FRMD5: variants seen among roughly 807,000 people sequenced by gnomAD.
FRMD5 encodes the protein FERM domain-containing protein 5.
In FRMD5, 20 loss-of-function variants were observed where a neutral mutation model predicts 69.0. That is an observed-to-expected ratio of 0.29 (90% CI 0.20 to 0.42). FRMD5 has a LOEUF of 0.42. FRMD5 is among the 10% of genes least tolerant of loss of function. FRMD5 has a pLI of 1.00. For synonymous variants in FRMD5, 271 were observed against 260.1 expected, an observed-to-expected ratio of 1.04 and a Z score of -0.40; for missense variants, 595 against 708.6, an observed-to-expected ratio of 0.84 and a Z score of 1.82.
chr15:43,870,925 A>C lies in FRMD5; in HGVS notation c.*2960T>G, dbSNP rs1259109780. Reference sequence around the variant, plus strand: ...AAGGTTAACAACTATATATTTTTAAATGTATCTAAGAAATTCACATTTGCA... The same window carrying C: ...AAGGTTAACAACTATATATTTTTAACTGTATCTAAGAAATTCACATTTGCA... On this transcript the variant is annotated 3_prime_UTR_variant, in exon 14 of 14. Coordinates refer to ENST00000417257, the MANE Select transcript of FRMD5 (RefSeq NM_032892.5). 1 of 152,242 alleles carries C rather than the reference A, an allele frequency of 6.6e-6. No individual in the cohort carries two copies. Among genetic ancestry groups the C allele is most frequent in the Non-Finnish European group, 1.5e-5 (1 of 68,034 alleles). The allele number at this position is 152,242 out of a possible 1,614,324, so 9.4% of individuals were successfully genotyped here. A position where few individuals can be genotyped will look rare whatever the true frequency, so the allele number is the denominator to read the frequency against.
At chr15:44,170,509 T>C (rs1041030732) in intron 1 of FRMD5, among the ~76,000 whole-genome samples, 2 of 150,872 alleles carry the variant, frequency 1.3e-5, no homozygotes, top group Non-Finnish European at 2.9e-5. Flanking sequence ...GGCAACAGAG[T>C]GAGACTTCAT....
At chr15:43,874,825 G>C (rs1316604514) in intron 13 of FRMD5, among the ~76,000 whole-genome samples, 1 of 152,144 alleles carries the variant, frequency 6.6e-6, no homozygotes, top group South Asian at 2.1e-4. Flanking sequence ...GCTTGAACCC[G>C]GGAGGCGGAG....
chr15:44,064,790 G>A (rs910419525), intron 1 of FRMD5, among the ~76,000 whole-genome samples: 1 of 152,144 alleles, frequency 6.6e-6, no homozygotes, highest in African/African-American at 2.4e-5. Flanking sequence ...TTAAGTCCCA[G>A]AATTTAAAGA....
At chr15:44,022,765 A>AGAG (rs1891266739) in intron 1 of FRMD5, among the ~76,000 whole-genome samples, 1 of 152,098 alleles carries the variant, frequency 6.6e-6, no homozygotes, top group Admixed American at 6.6e-5. Context: ...AGAGGAAGAA[A>AGAG]GAGACTTGCT....
chr15:43,985,118 A>G (rs1889327796), intron 1 of FRMD5, among the ~76,000 whole-genome samples: 2 of 151,072 alleles, frequency 1.3e-5, no homozygotes, highest in Admixed American at 1.3e-4. Flanking sequence ...ATCTCTATTA[A>G]AAATACAAAA....
At chr15:44,100,966 T>C (rs2076630318) in intron 1 of FRMD5, among the ~76,000 whole-genome samples, 1 of 151,996 alleles carries the variant, frequency 6.6e-6, no homozygotes, top group South Asian at 2.1e-4. Context: ...CTGGCCAACA[T>C]GGTAAAACCC....
At chr15:44,095,291 C>G (rs146996924) in intron 1 of FRMD5, among the ~76,000 whole-genome samples, 2 of 151,818 alleles carry the variant, frequency 1.3e-5, no homozygotes, top group African/African-American at 4.8e-5. Flanking sequence ...CACCCTCAAT[C>G]TCCTGGGCTC....
chr15:43,930,725 T>C (rs1428716070), intron 1 of FRMD5, among the ~76,000 whole-genome samples: 2 of 152,238 alleles, frequency 1.3e-5, no homozygotes, highest in Admixed American at 6.5e-5. Flanking sequence ...GGTGCAGTGC[T>C]GCAGGGAGCC....
intron 1 of FRMD5, among the ~76,000 whole-genome samples, chr15:44,144,684 A>G (rs968736364): frequency 2.0e-5 from 3 of 152,072 alleles, no homozygotes; most frequent in Non-Finnish European, 2.9e-5. Context: ...CCCATAATAA[A>G]CTGATGTTCA....
At chr15:44,054,797 C>A (rs1251866585) in intron 1 of FRMD5, among the ~76,000 whole-genome samples, 2 of 151,694 alleles carry the variant, frequency 1.3e-5, no homozygotes, top group Non-Finnish European at 2.9e-5. Context: ...GCTGGCTGGG[C>A]GCAGTGGCTC....
At chr15:44,165,105 A>G (rs2077686611) in intron 1 of FRMD5, among the ~76,000 whole-genome samples, 1 of 152,170 alleles carries the variant, frequency 6.6e-6, no homozygotes. Context: ...TCCTTGCAAT[A>G]AAGTCCCCTT....
chr15:44,029,387 G>A (rs1851221243), intron 1 of FRMD5, among the ~76,000 whole-genome samples: 1 of 151,506 alleles, frequency 6.6e-6, no homozygotes, highest in Admixed American at 6.6e-5. Flanking sequence ...CAATAAGAAA[G>A]CAGCAATAGG....
chr15:43,988,478 T>C (rs1479463451), intron 1 of FRMD5, among the ~76,000 whole-genome samples: 1 of 151,990 alleles, frequency 6.6e-6, no homozygotes, highest in East Asian at 1.9e-4. Flanking sequence ...GTTTTTTTTA[T>C]AAGGCATGCA....
At chr15:43,884,827 G>T (rs1265089818) in intron 11 of FRMD5, 32 bp from the exon 12 acceptor site, 1 of 1,583,342 alleles carries the variant, frequency 6.3e-7, no homozygotes. Flanking sequence ...CAAGCAGCAA[G>T]AAATGAGACT....
chr15:43,956,012 T>C (rs1471083813), intron 1 of FRMD5, among the ~76,000 whole-genome samples: 1 of 152,182 alleles, frequency 6.6e-6, no homozygotes, highest in Non-Finnish European at 1.5e-5. Context: ...GCTGTACTTA[T>C]TCAAGCCCTG....
Position 43,873,934 on chromosome 15 carries a change from C to T in FRMD5, c.1664G>A (p.Trp555Ter). The T allele has an allele frequency of 6.2e-7, 1 of 1,614,160 alleles. No homozygotes were observed. The highest frequency in any genetic ancestry group is 8.5e-7 in the Non-Finnish European group (1 of 1,180,030). ...HYQYFCPLRR[W>*]FACKIRSVVS... ...CACTGAGCGGATTTTGCAGGCAAAC[C>T]ATCGCCTGAGGGGACAAAAGTATTG... Residue 555 changes from tryptophan to a stop codon, truncating the protein, a stop_gained, in exon 14 of 14, where the codon TGG becomes TAG. Transcript: ENST00000417257. LOFTEE classifies it high-confidence loss of function.
At chr15:44,155,384 A>T (rs185798584) in intron 1 of FRMD5, among the ~76,000 whole-genome samples, 8 of 150,952 alleles carry the variant, frequency 5.3e-5, no homozygotes, top group Non-Finnish European at 1.2e-4. Flanking sequence ...GTGGGCCGAG[A>T]TCACACCACT....
intron 4 of FRMD5, among the ~76,000 whole-genome samples, chr15:43,911,541 G>A (rs897248581): frequency 6.6e-6 from 1 of 152,172 alleles, no homozygotes; most frequent in Non-Finnish European, 1.5e-5. Context: ...GATCACTGCA[G>A]CCCCAGCCAA....
intron 1 of FRMD5, among the ~76,000 whole-genome samples, chr15:44,107,331 A>C (rs1039491976): frequency 6.6e-6 from 1 of 152,214 alleles, no homozygotes; most frequent in South Asian, 2.1e-4. Context: ...AAGAAGCTAA[A>C]AGTAATTCTG....
Sources: allele counts gnomAD v4.1 joint callset (sites outside exome capture counted in the v4.1 genomes callset), GRCh38; gene constraint gnomAD v4.1.1; transcripts MANE v1.5; gene names NCBI Gene and HGNC (gene_info 2026-07-23, HGNC 2026-07-21).